The following PLS1 variants were observed in gnomAD, a reference collection of about 807,000 sequenced individuals.
PLS1 encodes plastin 1.
Under a neutral mutation model 73.7 loss-of-function variants are expected in PLS1, and 32 were observed. The observed-to-expected ratio is 0.43, with a 90% CI of 0.33 to 0.58. The LOEUF is 0.58. Among genes scored for constraint, PLS1 ranks in the 20% least tolerant of loss-of-function variants. PLS1 has a pLI of 0.04. For synonymous variants in PLS1, 217 were observed against 261.3 expected (o/e 0.83, Z 1.63); for missense variants, 633 against 740.5 (o/e 0.85, Z 1.68).
At chr3:142,668,228 C>A (rs2037519289) in intron 2 of PLS1, among the ~76,000 whole-genome samples, 1 of 152,128 alleles carries the variant, frequency 6.6e-6, no homozygotes, top group Non-Finnish European at 1.5e-5. Flanking sequence ...AGAAGTGATA[C>A]CCGGCCTCTA....
intron 1 of PLS1, among the ~76,000 whole-genome samples, chr3:142,649,409 A>T (rs1577836278): frequency 6.7e-6 from 1 of 150,016 alleles, no homozygotes; most frequent in East Asian, 2.0e-4. Context: ...GCTGAGAAGG[A>T]TGGATCACCT....
intron 1 of PLS1, among the ~76,000 whole-genome samples, chr3:142,646,187 G>A (rs1442751640): frequency 6.6e-6 from 1 of 152,164 alleles, no homozygotes; most frequent in Non-Finnish European, 1.5e-5. Context: ...GTAGTACTTA[G>A]AACAGTGCTT....
intron 12 of PLS1, among the ~76,000 whole-genome samples, chr3:142,700,241 T>C (rs1277726599): frequency 6.6e-6 from 1 of 152,142 alleles, no homozygotes; most frequent in Non-Finnish European, 1.5e-5. Flanking sequence ...TCAATACATG[T>C]CACTTTCCTT....
chr3:142,615,963 C>T (rs187774358), intron 1 of PLS1, among the ~76,000 whole-genome samples: 16 of 152,288 alleles, frequency 1.1e-4, no homozygotes, highest in Admixed American at 9.2e-4. Flanking sequence ...GGAGGATGGA[C>T]CCAGGAGACT....
At chr3:142,609,177 C>G (rs531288523) in intron 1 of PLS1, among the ~76,000 whole-genome samples, 4 of 152,284 alleles carry the variant, frequency 2.6e-5, no homozygotes, top group African/African-American at 9.6e-5. Flanking sequence ...TACAAAGTTT[C>G]TTTCTATACT....
chr3:142,704,634 A>AT, intron 14 of PLS1, 48 bp downstream of exon 14: 1 of 527,366 alleles, frequency 1.9e-6, no homozygotes, highest in Non-Finnish European at 3.0e-6. Context: ...TATAGGAAGG[A>AT]ATTTTTTTTT....
intron 1 of PLS1, among the ~76,000 whole-genome samples, chr3:142,612,356 G>A (rs571330857): frequency 6.6e-6 from 1 of 152,148 alleles, no homozygotes; most frequent in African/African-American, 2.4e-5. Flanking sequence ...TGTAATACAG[G>A]TACATTGTAT....
intron 9 of PLS1, among the ~76,000 whole-genome samples, chr3:142,688,780 A>T (rs889441534): frequency 6.6e-6 from 1 of 152,168 alleles, no homozygotes; most frequent in Admixed American, 6.5e-5. Context: ...TGAATATACA[A>T]ATTCATTCAT....
At chr3:142,630,407 T>G (rs376047650) in intron 1 of PLS1, among the ~76,000 whole-genome samples, 2 of 116,816 alleles carry the variant, frequency 1.7e-5, no homozygotes, top group East Asian at 2.4e-4. Flanking sequence ...GGCAACACAG[T>G]GAGACCCTGC....
intron 10 of PLS1, among the ~76,000 whole-genome samples, chr3:142,692,798 C>G (rs930822197): frequency 6.6e-6 from 1 of 151,600 alleles, no homozygotes; most frequent in Non-Finnish European, 1.5e-5. Flanking sequence ...TTAGATTTTC[C>G]TAGATGGAAA....
In PLS1 at chr3:142,664,248, G is replaced by A. The variant is rs373717334; in HGVS notation, c.11G>A (p.Ser4Asn). The A allele has an allele frequency of 6.3e-6, 10 of 1,579,014 alleles. No individual in the cohort carries two copies. In the African/African-American group the frequency reaches 1.2e-4, roughly 19 times the overall value. Reference sequence around the variant, plus strand: ...CTTTTCTGTCCAAAGATGGAAAACAGTACTACTACCATTTCTCGGGAGGAG... The same window carrying A: ...CTTTTCTGTCCAAAGATGGAAAACAATACTACTACCATTTCTCGGGAGGAG... MEN[S>N]TTTISREELE... is the part of the protein sequence containing the mutation. The change falls in exon 2 of 16, where the codon AGT becomes AAT. Residue 4 changes from serine (S) to asparagine (N), a missense_variant. Ser to Asn is a conservative substitution (Grantham distance 46). Transcript: ENST00000457734.
At chr3:142,683,878 T>G (rs538194595) in intron 6 of PLS1, 128 bp from the exon 7 acceptor site, 3 of 635,430 alleles carry the variant, frequency 4.7e-6, no homozygotes, top group Non-Finnish European at 2.6e-6. Flanking sequence ...AGTAGTGGTA[T>G]TTTCGTTGTA....
In PLS1 at chr3:142,607,035, T is replaced by C. The variant is rs116367367; in HGVS notation, c.-37+10526T>C. ...CCGTTTTCTGGAGCAGCTGCACCAT[T>C]TTACATTCCTACCGGCAATGAATGG... On this transcript the variant is annotated intron_variant, in intron 1 of 15. Transcript: ENST00000457734. Among the ~76,000 whole-genome samples, 884 of 152,310 alleles carry C rather than the reference T, an allele frequency of 5.8e-3. 13 individuals are homozygous for C. Among genetic ancestry groups the C allele is most frequent in the African/African-American group, 0.02 (841 of 41,566 alleles).
rs184397020 is a variant in PLS1, at chr3:142,713,121, A to G, written c.*1114A>G. 1.5e-4 allele frequency: 23 copies of G among 152,634 alleles called. No individual in the cohort carries two copies. Among genetic ancestry groups the G allele is most frequent in the Admixed American group, 5.2e-4 (8 of 15,296 alleles). 9.5% of individuals were successfully genotyped at this position (152,634 alleles called of 1,614,324 possible). On this transcript the variant is annotated 3_prime_UTR_variant, in exon 16 of 16. Coordinates refer to ENST00000457734, the MANE Select transcript of PLS1 (RefSeq NM_001145319.2). ...TTTCATATGTTTTTCACAGCCCGTTACAAATTGGCAATGTTTGGTTAATGT... is the reference window on the plus strand; with the variant it reads ...TTTCATATGTTTTTCACAGCCCGTTGCAAATTGGCAATGTTTGGTTAATGT...
intron 1 of PLS1, 27 bp from the exon 2 acceptor site, chr3:142,664,175 C>A: frequency 1.1e-6 from 1 of 915,736 alleles, no homozygotes; most frequent in Non-Finnish European, 1.7e-6. Context: ...AGGCTTCATG[C>A]TTTTTTTATA....
intron 2 of PLS1, among the ~76,000 whole-genome samples, chr3:142,666,324 G>C (rs1244799282): frequency 1.3e-5 from 2 of 152,020 alleles, no homozygotes; most frequent in Non-Finnish European, 2.9e-5. Context: ...CAAGCCCCAG[G>C]TGACCATCAT....
intron 1 of PLS1, among the ~76,000 whole-genome samples, chr3:142,605,998 A>C (rs953004618): frequency 1.3e-5 from 2 of 152,238 alleles, no homozygotes; most frequent in Admixed American, 6.5e-5. Context: ...CTGCAAGGTT[A>C]CTATAAGCAT....
intron 1 of PLS1, among the ~76,000 whole-genome samples, chr3:142,610,250 A>G (rs1228990843): frequency 6.6e-6 from 1 of 152,180 alleles, no homozygotes; most frequent in Non-Finnish European, 1.5e-5. Context: ...CTCCAGTTCC[A>G]TCAACTTGCC....
intron 9 of PLS1, among the ~76,000 whole-genome samples, chr3:142,687,567 T>A (rs992994071): frequency 3.3e-5 from 5 of 152,172 alleles, no homozygotes; most frequent in Admixed American, 3.3e-4. Flanking sequence ...CTTAAACTTA[T>A]GGAAAATTTT....
Sources: allele counts gnomAD v4.1 joint callset (sites outside exome capture counted in the v4.1 genomes callset), GRCh38; gene constraint gnomAD v4.1.1; transcripts MANE v1.5; gene names NCBI Gene and HGNC (gene_info 2026-07-23, HGNC 2026-07-21).